RBFOX1: variants seen among roughly 807,000 people sequenced by gnomAD.
The protein encoded by RBFOX1 is RNA binding protein fox-1 homolog 1.
Under a neutral mutation model 57.7 loss-of-function variants are expected in RBFOX1, and 8 were observed. That is an observed-to-expected ratio of 0.14 (90% CI 0.08 to 0.25). The LOEUF is 0.25. Among genes scored for constraint, RBFOX1 ranks in the 10% least tolerant of loss-of-function variants. The pLI is 1.00. For missense variants in RBFOX1, 611 were observed against 548.5 expected, an observed-to-expected ratio of 1.11 and a Z score of -1.14; for synonymous variants, 326 against 222.4, an observed-to-expected ratio of 1.47 and a Z score of -4.15.
chr16:6,774,918 G>C (rs995322204), intron 3 of RBFOX1, among the ~76,000 whole-genome samples: 6 of 151,890 alleles, frequency 4.0e-5, no homozygotes, highest in Admixed American at 6.6e-5. Flanking sequence ...TTGAGTAGTG[G>C]CTACCATATT....
At chr16:6,879,059 C>T (rs1350783282) in intron 3 of RBFOX1, among the ~76,000 whole-genome samples, 7 of 152,156 alleles carry the variant, frequency 4.6e-5, no homozygotes, top group Non-Finnish European at 7.3e-5. Context: ...TGTTTCAGCC[C>T]ACTCTTTTAA....
At chr16:5,610,073 G>GT (rs2151241624) in intron 3 of RBFOX1, among the ~76,000 whole-genome samples, 1 of 152,284 alleles carries the variant, frequency 6.6e-6, no homozygotes, top group Admixed American at 6.5e-5. Flanking sequence ...GACATCCAGT[G>GT]TATTTTACTT....
At chr16:7,624,985 G>A (rs546267176) in intron 10 of RBFOX1, among the ~76,000 whole-genome samples, 2 of 152,302 alleles carry the variant, frequency 1.3e-5, no homozygotes, top group Admixed American at 6.5e-5. Flanking sequence ...TACAGAGACC[G>A]GAGAGTGGGG....
chr16:6,688,317 G>A (rs2059737753), intron 3 of RBFOX1, among the ~76,000 whole-genome samples: 1 of 152,032 alleles, frequency 6.6e-6, no homozygotes, highest in African/African-American at 2.4e-5. Flanking sequence ...CTAGGGAGAT[G>A]GTGCTAAACC....
chr16:7,694,816 A>T (rs2078278570), intron 14 of RBFOX1, among the ~76,000 whole-genome samples: 1 of 152,148 alleles, frequency 6.6e-6, no homozygotes. Flanking sequence ...AATGGGAGGT[A>T]GGGGTGGGGA....
intron 2 of RBFOX1, among the ~76,000 whole-genome samples, chr16:6,604,620 G>T (rs1399779850): frequency 6.6e-6 from 1 of 152,120 alleles, no homozygotes; most frequent in Non-Finnish European, 1.5e-5. Context: ...GTTGTATATG[G>T]GTACTGAGTA....
At chr16:6,910,678 C>T (rs894775738) in intron 3 of RBFOX1, among the ~76,000 whole-genome samples, 17 of 152,164 alleles carry the variant, frequency 1.1e-4, no homozygotes, top group African/African-American at 3.1e-4. Flanking sequence ...GCTCGTGGCC[C>T]TTCTCAGCTT....
rs192741723 is a variant in RBFOX1 at position 6,040,440 on chromosome 16, A to G, written c.-127+20448A>G. ...TTTTAACTACTCTTAAGTATCTCAA[A>G]TAAGTGGAATCATGCAGCATATGTC... is the stretch of plus-strand genomic sequence containing the variant. On this transcript the variant is annotated intron_variant, in intron 1 of 15. Transcript: ENST00000550418. 5.3e-3 allele frequency among the ~76,000 whole-genome samples: 804 copies of G among 152,296 alleles called. 3 individuals carry two copies. The highest frequency in any genetic ancestry group is 0.017 in the Admixed American group (256 of 15,302).
intron 4 of RBFOX1, among the ~76,000 whole-genome samples, chr16:5,911,327 G>C (rs1251906760): frequency 6.6e-6 from 1 of 152,176 alleles, no homozygotes; most frequent in African/African-American, 2.4e-5. Flanking sequence ...CTGGATACTT[G>C]TGGAAGATCC....
chr16:6,689,897 G>C (rs957755591), intron 3 of RBFOX1, among the ~76,000 whole-genome samples: 3 of 152,224 alleles, frequency 2.0e-5, no homozygotes, highest in Admixed American at 6.5e-5. Flanking sequence ...ATGCTTGTGA[G>C]TGTGTGCTTG....
At chr16:6,085,577 C>T (rs1030980324) in intron 1 of RBFOX1, among the ~76,000 whole-genome samples, 30 of 152,246 alleles carry the variant, frequency 2.0e-4, no homozygotes, top group Middle Eastern at 3.4e-3. Flanking sequence ...CCCTCACACC[C>T]AGGTTTTTAG....
upstream of RBFOX1, among the ~76,000 whole-genome samples, chr16:6,016,579 G>A (rs1027762407): frequency 6.6e-6 from 1 of 152,236 alleles, no homozygotes; most frequent in Admixed American, 6.5e-5. Flanking sequence ...TCTCAGCCAA[G>A]CACAAGGCTA....
rs557177846 is a variant in RBFOX1, at chr16:5,396,247, C to T, written c.220-70969C>T. ...GAAATGTTACCAAGGTATAAATGCA[C>T]GAAAATTAGATGTTACTGCTCTCAC... On this transcript the variant is annotated intron_variant, in intron 1 of 2. Transcript: ENST00000585867. Among the ~76,000 whole-genome samples the T allele has an allele frequency of 2.3e-3, 355 of 152,256 alleles. 2 individuals carry two copies. Among genetic ancestry groups the T allele is most frequent in the Middle Eastern group, 0.01 (3 of 294 alleles).
Position 7,116,276 on chromosome 16 carries a change from G to A in RBFOX1, c.27+64178G>A, listed in dbSNP as rs1036266339. 5.9e-5 allele frequency among the ~76,000 whole-genome samples: 9 copies of A among 152,202 alleles called. No homozygotes were observed. The East Asian group carries it at 7.7e-4, about 13-fold the overall frequency. ...TAAACCAATCAAATCCTGGCTATCC[G>A]AGCTGCTCTATCTGCCTCTGAAAGC... On this transcript the variant is annotated intron_variant, in intron 4 of 15. Transcript: ENST00000550418.
At chr16:6,221,375 T>A (rs1238758690) in intron 1 of RBFOX1, among the ~76,000 whole-genome samples, 6 of 152,210 alleles carry the variant, frequency 3.9e-5, no homozygotes, top group African/African-American at 4.8e-5. Context: ...TCTGGGTTCA[T>A]CTTCCTAATA....
At chr16:7,088,404 C>T (rs1473425664) in intron 4 of RBFOX1, among the ~76,000 whole-genome samples, 1 of 152,054 alleles carries the variant, frequency 6.6e-6, no homozygotes. Context: ...AGGAGAGTAG[C>T]GTCTTTCATT....
intron 3 of RBFOX1, among the ~76,000 whole-genome samples, chr16:6,898,148 T>C (rs2067429073): frequency 6.6e-6 from 1 of 152,220 alleles, no homozygotes; most frequent in Non-Finnish European, 1.5e-5. Flanking sequence ...TGCCAAATCA[T>C]GCATCATAAT....
intron 3 of RBFOX1, among the ~76,000 whole-genome samples, chr16:6,880,189 C>T (rs1194600995): frequency 1.3e-5 from 2 of 148,246 alleles, no homozygotes; most frequent in African/African-American, 5.1e-5. Flanking sequence ...TCTGTGTACT[C>T]CTTTAAGGTA....
At chr16:7,249,154 G>A (rs548149881) in intron 4 of RBFOX1, among the ~76,000 whole-genome samples, 1 of 152,294 alleles carries the variant, frequency 6.6e-6, no homozygotes, top group South Asian at 2.1e-4. Context: ...CAGAAAGCTG[G>A]GGGTTAGGTG....
Sources: allele counts gnomAD v4.1 joint callset (sites outside exome capture counted in the v4.1 genomes callset), GRCh38; gene constraint gnomAD v4.1.1; transcripts MANE v1.5; gene names NCBI Gene and HGNC (gene_info 2026-07-23, HGNC 2026-07-21).